Variants in CNKSR2 observed in about 807,000 individuals in gnomAD.
The protein encoded by CNKSR2 is connector enhancer of kinase suppressor of Ras 2, also known as CNK homolog protein 2.
CNKSR2 carries 14 observed loss-of-function variants against 84.4 expected under a neutral mutation model. That is an observed-to-expected ratio of 0.17 (90% CI 0.11 to 0.26). The LOEUF (loss-of-function observed/expected upper bound fraction) is 0.26, where lower values mean the gene tolerates loss of function less well. Ranked by LOEUF, CNKSR2 falls within the 10% of genes least tolerant of loss-of-function variation. CNKSR2 has a pLI of 1.00. For synonymous variants in CNKSR2, 275 were observed against 277.9 expected (o/e 0.99, Z 0.10); for missense variants, 485 against 771.2 (o/e 0.63, Z 4.40).
intron 1 of CNKSR2, chrX:21,424,965 C>T (rs1242877081): frequency 9.0e-6 from 1 of 111,681 alleles, no homozygotes; most frequent in East Asian, 2.8e-4. Context: ...CAGGGAGTCC[C>T]TCATCTTACT....
intron 11 of CNKSR2, among the ~76,000 whole-genome samples, chrX:21,553,682 A>G (rs1304218066): frequency 1.8e-5 from 2 of 110,174 alleles, no homozygotes; most frequent in East Asian, 5.6e-4. Context: ...AGAATGTTCA[A>G]CTAGTTACCT....
intron 13 of CNKSR2, among the ~76,000 whole-genome samples, chrX:21,576,753 G>A (rs1183446359): frequency 9.0e-6 from 1 of 111,219 alleles, no homozygotes; most frequent in East Asian, 2.8e-4. Context: ...AGATGAAATG[G>A]ACCAATTCCT....
intron 11 of CNKSR2, among the ~76,000 whole-genome samples, chrX:21,542,392 T>C (rs1433028417): frequency 8.9e-6 from 1 of 112,388 alleles, no homozygotes; most frequent in Non-Finnish European, 1.9e-5. Flanking sequence ...TTGTGAGATT[T>C]AATGGTAAGA....
At chrX:21,635,546 A>C (rs2092668699) in intron 20 of CNKSR2, among the ~76,000 whole-genome samples, 1 of 106,223 alleles carries the variant, frequency 9.4e-6, no homozygotes, top group African/African-American at 3.4e-5. Flanking sequence ...AAATATATGT[A>C]TATGTGTATA....
chrX:21,409,247 T>G lies in CNKSR2; in HGVS notation c.65-17250T>G, dbSNP rs1471247425. Among the ~76,000 whole-genome samples, 11 of 71,985 alleles carry G rather than the reference T, an allele frequency of 1.5e-4. 1 individual carries two copies. The highest frequency in any genetic ancestry group is 2.4e-4 in the Non-Finnish European group (9 of 37,714). 62.5% of individuals were successfully genotyped at this position (71,985 alleles called of 115,157 possible). A position where few individuals can be genotyped will look rare whatever the true frequency, so the allele number is the denominator to read the frequency against. ...AAAAAATTATATATATATATATATA[T>G]ATATATATATATATATATATATATA... On this transcript the variant is annotated intron_variant, in intron 1 of 21. Transcript: ENST00000379510.
intron 11 of CNKSR2, among the ~76,000 whole-genome samples, chrX:21,551,964 A>T (rs928706636): frequency 9.0e-6 from 1 of 111,081 alleles, no homozygotes; most frequent in Non-Finnish European, 1.9e-5. Context: ...TCTGGACAGA[A>T]GTATTCATTT....
At chrX:21,392,990 TCA>T (rs2090071940) in intron 1 of CNKSR2, among the ~76,000 whole-genome samples, 1 of 112,116 alleles carries the variant, frequency 8.9e-6, no homozygotes, top group African/African-American at 3.2e-5. Context: ...TCTAAAAAGC[TCA>T]GTCTTTGGTA....
At chrX:21,597,092 G>C (rs1049378710) in intron 17 of CNKSR2, among the ~76,000 whole-genome samples, 5 of 111,721 alleles carry the variant, frequency 4.5e-5, no homozygotes, top group Non-Finnish European at 7.5e-5. Flanking sequence ...GGATGCACTA[G>C]AATCCAGCCA....
At chrX:21,593,781 A>G (rs1195640966) in intron 15 of CNKSR2, 2 of 111,735 alleles carry the variant, frequency 1.8e-5, no homozygotes, top group Non-Finnish European at 3.8e-5. Flanking sequence ...AGATTGACCT[A>G]TTTCATTTGT....
intron 19 of CNKSR2, among the ~76,000 whole-genome samples, chrX:21,607,548 A>T (rs964600181): frequency 5.4e-5 from 6 of 111,687 alleles, no homozygotes; most frequent in African/African-American, 2.0e-4. Flanking sequence ...TCACGCGTCT[A>T]ATCCCAGCAC....
intron 11 of CNKSR2, among the ~76,000 whole-genome samples, chrX:21,558,323 T>A (rs1378528632): frequency 9.0e-6 from 1 of 111,248 alleles, no homozygotes; most frequent in Non-Finnish European, 1.9e-5. Context: ...CAATTAAAAA[T>A]CAATACTTAT....
chrX:21,504,821 T>C (rs2091596330), intron 8 of CNKSR2: 1 of 296,172 alleles, frequency 3.4e-6, no homozygotes, highest in Non-Finnish European at 5.9e-6. Flanking sequence ...AACATACTTC[T>C]GTGGCTGAGA....
At chrX:21,473,651 T>C (rs1402025774) in intron 5 of CNKSR2, among the ~76,000 whole-genome samples, 2 of 109,372 alleles carry the variant, frequency 1.8e-5, no homozygotes, top group African/African-American at 3.4e-5. Context: ...CAGTAAGTTT[T>C]CTAGACAGAG....
At chrX:21,475,730 A>T (rs1845931594) in intron 5 of CNKSR2, among the ~76,000 whole-genome samples, 1 of 111,418 alleles carries the variant, frequency 9.0e-6, no homozygotes, top group Admixed American at 9.6e-5. Context: ...AGGAAGGAGA[A>T]CTTATCACTT....
At chrX:21,395,612 G>A (rs1472496640) in intron 1 of CNKSR2, among the ~76,000 whole-genome samples, 1 of 110,585 alleles carries the variant, frequency 9.0e-6, no homozygotes, top group Non-Finnish European at 1.9e-5. Flanking sequence ...CTATGGTAGG[G>A]CAAATTATTT....
At chrX:21,600,565 G>A (rs1602012928) in intron 17 of CNKSR2, among the ~76,000 whole-genome samples, 1 of 112,096 alleles carries the variant, frequency 8.9e-6, no homozygotes, top group Admixed American at 9.4e-5. Flanking sequence ...GAGCCCTGGT[G>A]GGACAAAAGA....
At chrX:21,450,091 CAGAG>C (rs895673047) in intron 4 of CNKSR2, among the ~76,000 whole-genome samples, 17 of 110,847 alleles carry the variant, frequency 1.5e-4, no homozygotes, top group African/African-American at 4.6e-4. Flanking sequence ...GTGTGAGACA[CAGAG>C]AGAAAGAGGA....
At position 21,587,301 on chromosome X, in the gene CNKSR2, T is replaced by A. The variant is rs543988394; in HGVS notation, c.1609-3271T>A. ...TTTCAAACATTAAAACTAGGAGAGT[T>A]TGCCACTCACAGACTGCTGTGAAAG... On this transcript the variant is annotated intron_variant, in intron 13 of 21. Transcript: ENST00000379510. Among the ~76,000 whole-genome samples the A allele has an allele frequency of 6.2e-5, 7 of 112,159 alleles. No homozygotes were observed. The South Asian group carries it at 2.6e-3, about 42-fold the overall frequency.
At position 21,425,550 on chromosome X, in the gene CNKSR2, C is replaced by G. The variant is rs187458294; in HGVS notation, c.65-947C>G. ...ATTTCATCTCTGTTTTTTCTATTCT[C>G]TTATAATTTCTGCTCCTCCATAACT... On this transcript the variant is annotated intron_variant, in intron 1 of 21. Transcript: ENST00000379510. 11 of 111,590 alleles carry G rather than the reference C, an allele frequency of 9.9e-5. No individual in the cohort carries two copies. In the East Asian group the frequency reaches 2.0e-3, roughly 20 times the overall value. The allele number at this position is 111,590 out of a possible 1,213,427, so 9.2% of individuals were successfully genotyped here.
Sources: allele counts gnomAD v4.1 joint callset (sites outside exome capture counted in the v4.1 genomes callset), GRCh38; gene constraint gnomAD v4.1.1; transcripts MANE v1.5; gene names NCBI Gene and HGNC (gene_info 2026-07-23, HGNC 2026-07-21).